Variants in NF1 observed in about 807,000 individuals in gnomAD.
NF1 encodes neurofibromin.
Under a neutral mutation model 325.7 loss-of-function variants are expected in NF1, and 122 were observed. The ratio of observed to expected loss-of-function variants is 0.37; its 90% CI spans 0.32 to 0.44. NF1 has a LOEUF of 0.44. Among genes scored for constraint, NF1 ranks in the 20% least tolerant of loss-of-function variants. The pLI is 1.00. For missense variants in NF1, 2,140 were observed against 3,415.4 expected (o/e 0.63, Z 9.31); for synonymous variants, 1,091 against 1,186.0 (o/e 0.92, Z 1.65).
At position 31,235,629 on chromosome 17, in the gene NF1, C is replaced by G. The variant is rs750993436; in HGVS notation, c.3727C>G (p.Leu1243Val). 1 of 1,614,066 alleles carries G rather than the reference C, an allele frequency of 6.2e-7. No individual in the cohort carries two copies. The highest frequency in any genetic ancestry group is 8.5e-7 in the Non-Finnish European group (1 of 1,180,012). ...CSQWDELARV[L>V]VTLFDSRHLL... ...TTCTCAGGATGAACTAGCTCGAGTT[C>G]TGGTTACTCTGTTTGATTCTCGGCA... The change falls in exon 28 of 58, where the codon CTG (leucine) becomes GTG (valine). Residue 1243 changes from leucine to valine, a missense_variant. Around this residue, in one of 10 missense-constraint regions of NF1, gnomAD observed 336 missense variants for 399.0 expected, o/e 0.84. Coordinates refer to ENST00000358273, the MANE Select transcript of NF1 (RefSeq NM_001042492.3).
intron 57 of NF1, among the ~76,000 whole-genome samples, chr17:31,362,711 G>C (rs938797988): frequency 6.6e-6 from 1 of 152,108 alleles, no homozygotes; most frequent in Non-Finnish European, 1.5e-5. Context: ...TGCCTTTTGG[G>C]CTACTAAACT....
intron 8 of NF1, among the ~76,000 whole-genome samples, chr17:31,193,199 A>C (rs117730311): frequency 6.1e-4 from 93 of 152,318 alleles, no homozygotes; most frequent in Non-Finnish European, 9.6e-4. Flanking sequence ...GTTTCTAACT[A>C]AATACTTAGT....
chr17:31,265,883 T>C (rs1254239589), intron 36 of NF1, among the ~76,000 whole-genome samples: 4 of 152,172 alleles, frequency 2.6e-5, no homozygotes, highest in Non-Finnish European at 4.4e-5. Context: ...CTAGAAAGCC[T>C]TTCTGGAAAT....
At chr17:31,364,424 A>T (rs2070469463) in intron 57 of NF1, among the ~76,000 whole-genome samples, 1 of 152,232 alleles carries the variant, frequency 6.6e-6, no homozygotes, top group Non-Finnish European at 1.5e-5. Context: ...TTTGATGTTT[A>T]GCAGGATCAG....
At chr17:31,117,086 A>G (rs1333079765) in intron 1 of NF1, among the ~76,000 whole-genome samples, 1 of 151,856 alleles carries the variant, frequency 6.6e-6, no homozygotes, top group African/African-American at 2.4e-5. Flanking sequence ...AGTTCAAGCA[A>G]TTCTCCTGCC....
At chr17:31,103,570 G>A (rs890826378) in intron 1 of NF1, among the ~76,000 whole-genome samples, 4 of 151,348 alleles carry the variant, frequency 2.6e-5, no homozygotes, top group African/African-American at 4.9e-5. Flanking sequence ...TACTATAGAC[G>A]GGGTTTTGCC....
rs1287290352 is a variant in NF1, at chr17:31,134,589, T to A, written c.61-21394T>A. ...AGTGGCTGAACTGAGTGTTTCTGGC[T>A]CAGAGTCTTTCATGAAGCTGCAGTG... On this transcript the variant is annotated intron_variant, in intron 1 of 57. Coordinates refer to ENST00000358273, the MANE Select transcript of NF1 (RefSeq NM_001042492.3). Among the ~76,000 whole-genome samples the A allele has an allele frequency of 2.0e-5, 3 of 152,264 alleles. 1 individual carries two copies. The highest frequency in any genetic ancestry group is 7.2e-5 in the African/African-American group (3 of 41,468).
chr17:31,304,058 G>GTACTTTAAAGA, intron 36 of NF1: 1 of 488,796 alleles, frequency 2.0e-6, no homozygotes, highest in South Asian at 3.1e-5. Flanking sequence ...TTAAAGATAG[G>GTACTTTAAAGA]TACTATAATT....
In NF1 at chr17:31,200,429, T is replaced by G; in HGVS notation, c.896T>G (p.Phe299Cys). Residue 299 changes from phenylalanine to cysteine, a missense_variant, in exon 9 of 58, where the codon TTT (phenylalanine) becomes TGT (cysteine). This residue lies in a region of NF1 where 179 missense variants were observed against 381.0 expected (regional missense o/e 0.47). Coordinates refer to ENST00000358273, the MANE Select transcript of NF1 (RefSeq NM_001042492.3). ...VDENNMNKKL[F>C]LDSLRKALAG... ...TATATTTGAATTCTGTAGAAGTTAT[T>G]TCTGGACAGTCTACGAAAAGCTCTT... is the stretch of plus-strand genomic sequence containing the variant. 6.2e-7 allele frequency: 1 copy of G among 1,614,084 alleles called. No homozygotes were observed. The highest frequency in any genetic ancestry group is 8.5e-7 in the Non-Finnish European group (1 of 1,179,994).
intron 1 of NF1, among the ~76,000 whole-genome samples, chr17:31,105,470 TATTC>T (rs910129046): frequency 2.6e-5 from 4 of 152,198 alleles, no homozygotes; most frequent in African/African-American, 7.2e-5. Flanking sequence ...CGCCTGCCCT[TATTC>T]ATATTTTATA....
chr17:31,150,616 C>G (rs1916862409), intron 1 of NF1, among the ~76,000 whole-genome samples: 1 of 152,106 alleles, frequency 6.6e-6, no homozygotes, highest in Admixed American at 6.6e-5. Context: ...TTTATATGCT[C>G]TCACCACCCT....
intron 1 of NF1, among the ~76,000 whole-genome samples, chr17:31,116,201 C>G (rs955263892): frequency 6.6e-5 from 10 of 152,138 alleles, no homozygotes; most frequent in Admixed American, 3.9e-4. Context: ...TTTCAAGATA[C>G]AGATTGACTC....
chr17:31,335,296 A>ATATATAT (rs1440930498), intron 40 of NF1, among the ~76,000 whole-genome samples: 5 of 50,060 alleles, frequency 1.0e-4, no homozygotes, highest in Middle Eastern at 7.8e-3. Flanking sequence ...ATATATATAT[A>ATATATAT]ATTATGCCTT....
chr17:31,214,160 A>G (rs375285888), intron 12 of NF1, among the ~76,000 whole-genome samples: 10 of 152,068 alleles, frequency 6.6e-5, no homozygotes, highest in East Asian at 3.8e-4. Flanking sequence ...AGTTTTTTAC[A>G]TAGATGTTTT....
intron 1 of NF1, among the ~76,000 whole-genome samples, chr17:31,125,806 G>A (rs1439821323): frequency 6.6e-6 from 1 of 152,142 alleles, no homozygotes; most frequent in Non-Finnish European, 1.5e-5. Flanking sequence ...GAAGTGCTAG[G>A]ATTACAGGCG....
At chr17:31,253,282 A>G (rs2151456711) in intron 31 of NF1, 1 of 350,254 alleles carries the variant, frequency 2.9e-6, no homozygotes, top group East Asian at 5.5e-5. Flanking sequence ...TTTTTAAATT[A>G]TAAATGAATG....
chr17:31,374,001 CT>C lies in NF1; in HGVS notation c.8378-7del. On this transcript the variant is annotated splice_polypyrimidine_tract_variant and intron_variant, in intron 57 of 57. Coordinates refer to ENST00000358273, the MANE Select transcript of NF1 (RefSeq NM_001042492.3). ...AAAAGAAGAAGTAACTGGCTGTTCT[CT>C]TTTTCTCCAGGAATCGACAAGGAGA... 2 of 1,613,966 alleles carry C rather than the reference CT, an allele frequency of 1.2e-6. No homozygotes were observed. Among genetic ancestry groups the C allele is most frequent in the Non-Finnish European group, 1.7e-6 (2 of 1,179,912 alleles).
At chr17:31,269,949 A>G (rs1219055558) in intron 36 of NF1, among the ~76,000 whole-genome samples, 1 of 152,180 alleles carries the variant, frequency 6.6e-6, no homozygotes, top group Admixed American at 6.6e-5. Context: ...TGCATGAACT[A>G]AAAGGAGGGC....
intron 36 of NF1, chr17:31,295,668 G>T (rs765706169): frequency 6.2e-7 from 1 of 1,614,142 alleles, no homozygotes. Flanking sequence ...TTATTGTAAA[G>T]GGTTATCTCT....
Sources: gnomAD v4.1 joint callset for allele counts (sites outside exome capture counted in the v4.1 genomes callset) on GRCh38, gnomAD v4.1.1 for gene constraint, gnomAD v4.1.1 regional missense constraint, MANE v1.5 for transcripts, NCBI Gene and HGNC (gene_info 2026-07-23, HGNC 2026-07-21) for gene names.